TCF4: variants seen among roughly 807,000 people sequenced by gnomAD.
The protein encoded by TCF4 is SL3-3 enhancer factor 2.
Under a neutral mutation model 82.1 loss-of-function variants are expected in TCF4, and 3 were observed. The ratio of observed to expected loss-of-function variants is 0.04; its 90% CI spans 0.02 to 0.09. The LOEUF is 0.09. Ranked by LOEUF, TCF4 falls within the 10% of genes least tolerant of loss-of-function variation. The probability of loss-of-function intolerance (pLI) is 1.00; values close to 1 mark genes in which losing one functional copy is unlikely to be tolerated. For missense variants in TCF4, 518 were observed against 852.7 expected, an observed-to-expected ratio of 0.61 and a Z score of 4.89; for synonymous variants, 276 against 309.6, an observed-to-expected ratio of 0.89 and a Z score of 1.14.
chr18:55,594,754 G>A (rs1397309149), intron 2 of TCF4, among the ~76,000 whole-genome samples: 6 of 152,252 alleles, frequency 3.9e-5, no homozygotes, highest in South Asian at 2.1e-4. Context: ...TGCTGTCATC[G>A]TACTGCTTCA....
intron 13 of TCF4, among the ~76,000 whole-genome samples, chr18:55,258,074 A>C (rs1053010718): frequency 1.3e-5 from 2 of 152,172 alleles, no homozygotes; most frequent in African/African-American, 4.8e-5. Flanking sequence ...AAACTTGGAA[A>C]ATACATAATT....
chr18:55,269,805 T>A, intron 11 of TCF4, 26 bp downstream of exon 11: 1 of 1,612,690 alleles, frequency 6.2e-7, no homozygotes, highest in Non-Finnish European at 8.5e-7. Context: ...ATTGTTGGTA[T>A]CAGAATTGGC....
chr18:55,492,441 T>C (rs1270405326), intron 3 of TCF4, among the ~76,000 whole-genome samples: 1 of 152,216 alleles, frequency 6.6e-6, no homozygotes, highest in African/African-American at 2.4e-5. Flanking sequence ...AGCAGTAATT[T>C]GCAGTTCTAG....
At chr18:55,569,793 GTAGAGA>G (rs1246622869) in intron 3 of TCF4, among the ~76,000 whole-genome samples, 1 of 152,100 alleles carries the variant, frequency 6.6e-6, no homozygotes, top group Non-Finnish European at 1.5e-5. Flanking sequence ...ATATAAATGA[GTAGAGA>G]TAATCATTAA....
intron 5 of TCF4, among the ~76,000 whole-genome samples, chr18:55,451,055 C>A (rs2095612933): frequency 6.6e-6 from 1 of 152,170 alleles, no homozygotes; most frequent in South Asian, 2.1e-4. Flanking sequence ...GTTTTGTGGA[C>A]TGGCTAAAAA....
At chr18:55,250,801 A>C (rs141169084) in intron 15 of TCF4, among the ~76,000 whole-genome samples, 3,105 of 152,312 alleles carry the variant, frequency 0.02, 58 homozygotes, top group Non-Finnish European at 0.032. Flanking sequence ...AGGAATTTAC[A>C]ACAGTTGGTA....
At chr18:55,522,594 A>G (rs758007363) in intron 3 of TCF4, among the ~76,000 whole-genome samples, 2 of 152,142 alleles carry the variant, frequency 1.3e-5, no homozygotes, top group Non-Finnish European at 2.9e-5. Context: ...CAAAATTAAA[A>G]TTTGCATAAA....
intron 8 of TCF4, chr18:55,321,714 C>T: frequency 6.5e-7 from 1 of 1,536,146 alleles, no homozygotes; most frequent in East Asian, 2.4e-5. Flanking sequence ...CCGCCCATGC[C>T]CGGGATTGTG....
In TCF4 at chr18:55,633,670, G is replaced by A. The variant is rs893470424; in HGVS notation, c.195+2033C>T. Among the ~76,000 whole-genome samples, 3 of 152,106 alleles carry A rather than the reference G, an allele frequency of 2.0e-5. No homozygotes were observed. Among genetic ancestry groups the A allele is most frequent in the Non-Finnish European group, 2.9e-5 (2 of 68,032 alleles). On this transcript the variant is annotated intron_variant, in intron 1 of 20. Coordinates refer to the TCF4 transcript ENST00000398339. The surrounding 1 kb of genome is among the most constrained non-coding windows in gnomAD (Gnocchi z 4.0). ...GGCAAACTTTTTCTGTAAAGGGCCAGATAGCAAATTTTTTAAGCATTGCAG... is the reference window on the plus strand; with the variant it reads ...GGCAAACTTTTTCTGTAAAGGGCCAAATAGCAAATTTTTTAAGCATTGCAG...
At chr18:55,533,802 C>A (rs2146783612) in intron 3 of TCF4, among the ~76,000 whole-genome samples, 1 of 152,204 alleles carries the variant, frequency 6.6e-6, no homozygotes, top group East Asian at 1.9e-4. Context: ...TTTTCATCAC[C>A]ATGTTTCTGT....
intron 6 of TCF4, among the ~76,000 whole-genome samples, chr18:55,388,863 G>A (rs1186767446): frequency 6.6e-6 from 1 of 152,062 alleles, no homozygotes; most frequent in Admixed American, 6.6e-5. Flanking sequence ...GTGGCTCACA[G>A]CTGTAATCTC....
chr18:55,612,065 C>G (rs921165240), intron 2 of TCF4, among the ~76,000 whole-genome samples: 1 of 152,142 alleles, frequency 6.6e-6, no homozygotes, highest in African/African-American at 2.4e-5. Context: ...GCCACTGCAC[C>G]CGGCCAATGT....
chr18:55,410,248 C>T (rs2094289374), intron 5 of TCF4, among the ~76,000 whole-genome samples: 1 of 152,086 alleles, frequency 6.6e-6, no homozygotes. Context: ...TCAGTAATGG[C>T]CTATAGCTCT....
intron 8 of TCF4, among the ~76,000 whole-genome samples, chr18:55,301,242 TG>T (rs2068181255): frequency 6.6e-6 from 1 of 152,174 alleles, no homozygotes; most frequent in Non-Finnish European, 1.5e-5. Flanking sequence ...CCCGCTGAGC[TG>T]GGGGTTCTGC....
chr18:55,571,804 A>T (rs2147562681), intron 3 of TCF4, among the ~76,000 whole-genome samples: 1 of 151,006 alleles, frequency 6.6e-6, no homozygotes, highest in South Asian at 2.1e-4. Flanking sequence ...TAAAGAAAAC[A>T]CACATCATAA....
intron 8 of TCF4, among the ~76,000 whole-genome samples, chr18:55,286,448 G>GACTT (rs1568708795): frequency 6.6e-6 from 1 of 152,076 alleles, no homozygotes; most frequent in Non-Finnish European, 1.5e-5. Flanking sequence ...GAGGTGAAAG[G>GACTT]ACTTACGCCA....
intron 6 of TCF4, among the ~76,000 whole-genome samples, chr18:55,372,165 G>A (rs988718068): frequency 2.6e-5 from 4 of 152,132 alleles, no homozygotes; most frequent in Admixed American, 2.6e-4. Flanking sequence ...GTATGTGTGT[G>A]TGTGAATTTA....
At chr18:55,514,501 G>A (rs1416092811) in intron 3 of TCF4, among the ~76,000 whole-genome samples, 1 of 151,066 alleles carries the variant, frequency 6.6e-6, no homozygotes, top group African/African-American at 2.4e-5. Context: ...GAAAAGTAAA[G>A]GCCTAAAAAC....
At chr18:55,348,977 A>C (rs1443131770) in intron 8 of TCF4, among the ~76,000 whole-genome samples, 1 of 152,156 alleles carries the variant, frequency 6.6e-6, no homozygotes, top group Non-Finnish European at 1.5e-5. Flanking sequence ...TAAAAGCTAA[A>C]GTTTCATCAA....
Sources: allele counts gnomAD v4.1 joint callset (sites outside exome capture counted in the v4.1 genomes callset), GRCh38; gene constraint gnomAD v4.1.1; non-coding constraint Gnocchi (gnomAD v3.1); transcripts MANE v1.5; gene names NCBI Gene and HGNC (gene_info 2026-07-23, HGNC 2026-07-21).